Variants in CACNA1C observed in about 807,000 individuals in gnomAD.
CACNA1C encodes voltage-dependent L-type calcium channel subunit alpha-1C.
Under a neutral mutation model 229.0 loss-of-function variants are expected in CACNA1C, and 30 were observed. That is an observed-to-expected ratio of 0.13 (90% CI 0.10 to 0.18). CACNA1C has a LOEUF of 0.18. Ranked by LOEUF, CACNA1C falls within the 10% of genes least tolerant of loss-of-function variation. The pLI, the probability that CACNA1C is intolerant of heterozygous loss-of-function variation, is 1.00. For missense variants in CACNA1C, 1,658 were observed against 2,845.0 expected, an observed-to-expected ratio of 0.58 and a Z score of 9.49; for synonymous variants, 1,114 against 1,132.5, an observed-to-expected ratio of 0.98 and a Z score of 0.33.
chr12:2,068,294 C>T (rs2060108637), intron 1 of CACNA1C, among the ~76,000 whole-genome samples: 1 of 152,134 alleles, frequency 6.6e-6, no homozygotes, highest in South Asian at 2.1e-4. Flanking sequence ...CAGACCCTGC[C>T]CCAGTCCCTG....
intron 13 of CACNA1C, among the ~76,000 whole-genome samples, chr12:2,578,528 C>CA (rs2059385652): frequency 6.6e-6 from 1 of 152,126 alleles, no homozygotes; most frequent in African/African-American, 2.4e-5. Flanking sequence ...GCTTGGACAT[C>CA]AGCTGCCCGG....
intron 9 of CACNA1C, among the ~76,000 whole-genome samples, chr12:2,527,923 G>C (rs1216386132): frequency 6.6e-6 from 1 of 152,128 alleles, no homozygotes; most frequent in Non-Finnish European, 1.5e-5. Flanking sequence ...AAGATCCCAA[G>C]CTTCAATAAA....
At chr12:2,345,945 G>A (rs1322306574) in intron 3 of CACNA1C, among the ~76,000 whole-genome samples, 3 of 152,210 alleles carry the variant, frequency 2.0e-5, no homozygotes, top group African/African-American at 7.2e-5. Context: ...CGCCTCCTCA[G>A]GACCCTGCCT....
intron 3 of CACNA1C, among the ~76,000 whole-genome samples, chr12:2,408,677 G>A (rs1365782799): frequency 6.6e-6 from 1 of 152,062 alleles, no homozygotes; most frequent in Non-Finnish European, 1.5e-5. Context: ...CACTTAGTAG[G>A]GAAAGATGTG....
chr12:2,058,289 G>A lies in CACNA1C; in HGVS notation c.49+4678G>A, dbSNP rs76061821. On this transcript the variant is annotated intron_variant, in intron 1 of 46. Transcript: ENST00000399655. ...CTGTAGGAGGTACAGGTCAGCCGGC[G>A]TCATCTCACCTCTTCCTTGCTGGGA... 4.5e-3 allele frequency among the ~76,000 whole-genome samples: 682 copies of A among 152,298 alleles called. 4 individuals are homozygous for A. The highest frequency in any genetic ancestry group is 7.5e-3 in the Non-Finnish European group (508 of 68,028).
chr12:2,053,799 G>T lies in CACNA1C; in HGVS notation c.49+188G>T, dbSNP rs1467332701. On this transcript the variant is annotated intron_variant, in intron 1 of 46. Transcript: ENST00000399655. The surrounding 1 kb of genome is among the most constrained non-coding windows in gnomAD (Gnocchi z 5.8). ...GGGACCGGGGCCCGAACCGCCGCGC[G>T]AGACGGAGCGGAAAATTCCCGCCCC... 6.6e-6 allele frequency among the ~76,000 whole-genome samples: 1 copy of T among 150,460 alleles called. No homozygotes were observed. The highest frequency in any genetic ancestry group is 6.6e-5 in the Admixed American group (1 of 15,144).
At chr12:2,089,507 T>C (rs2069300740) in intron 1 of CACNA1C, among the ~76,000 whole-genome samples, 2 of 152,218 alleles carry the variant, frequency 1.3e-5, no homozygotes, top group South Asian at 4.2e-4. Context: ...ATAAAACAGG[T>C]TGTGATGAAC....
intron 18 of CACNA1C, among the ~76,000 whole-genome samples, chr12:2,588,911 G>A (rs1056309867): frequency 5.3e-5 from 8 of 152,142 alleles, no homozygotes; most frequent in Non-Finnish European, 7.3e-5. Flanking sequence ...AGTCAGCACC[G>A]CCTGTGCTGG....
intron 3 of CACNA1C, among the ~76,000 whole-genome samples, chr12:2,299,831 G>T (rs974370118): frequency 6.6e-6 from 1 of 151,996 alleles, no homozygotes; most frequent in Non-Finnish European, 1.5e-5. Flanking sequence ...CCCGGACAAG[G>T]CATTCAGCCT....
At chr12:2,487,995 A>C (rs922042625) in intron 6 of CACNA1C, among the ~76,000 whole-genome samples, 3 of 152,204 alleles carry the variant, frequency 2.0e-5, no homozygotes, top group Admixed American at 2.0e-4. Flanking sequence ...CTCCTCAGGA[A>C]GTCTCAGACA....
At chr12:2,183,266 A>G (rs573834039) in intron 3 of CACNA1C, among the ~76,000 whole-genome samples, 35 of 152,172 alleles carry the variant, frequency 2.3e-4, no homozygotes, top group Admixed American at 1.6e-3. Flanking sequence ...AAGAAAAAAG[A>G]AAGTTTTCTT....
rs918091603 is a variant in CACNA1C at position 2,215,812 on chromosome 12, C to G, written c.477+95382C>G. On this transcript the variant is annotated intron_variant, in intron 3 of 46. Coordinates refer to ENST00000399655, the MANE Select transcript of CACNA1C (RefSeq NM_000719.7). The surrounding 1 kb of genome is among the most constrained non-coding windows in gnomAD (Gnocchi z 5.0). ...CAAGGTGAGTTGAAGGGCCCTGGAG[C>G]CCCAGGCCTGCCTGCCTGGGGAGCA... is the stretch of plus-strand genomic sequence containing the variant. 1.3e-5 allele frequency among the ~76,000 whole-genome samples: 2 copies of G among 152,188 alleles called. No individual in the cohort carries two copies. Among genetic ancestry groups the G allele is most frequent in the African/African-American group, 4.8e-5 (2 of 41,440 alleles).
At chr12:2,397,179 C>T (rs920572233) in intron 3 of CACNA1C, among the ~76,000 whole-genome samples, 4 of 152,266 alleles carry the variant, frequency 2.6e-5, no homozygotes, top group Non-Finnish European at 5.9e-5. Flanking sequence ...AACCCCTGTG[C>T]TAAACCACAC....
intron 1 of CACNA1C, chr12:1,993,357 T>A: frequency 6.2e-7 from 1 of 1,613,864 alleles, no homozygotes; most frequent in Non-Finnish European, 8.5e-7. Flanking sequence ...CTCAGCCTAT[T>A]CATAATGGTG....
At position 2,500,409 on chromosome 12, in the gene CACNA1C, T is replaced by G. The variant is rs149158158; in HGVS notation, c.1114-4433T>G. 3.7e-3 allele frequency among the ~76,000 whole-genome samples: 566 copies of G among 152,290 alleles called. 4 individuals carry two copies. The highest frequency in any genetic ancestry group is 0.013 in the African/African-American group (543 of 41,554). On this transcript the variant is annotated intron_variant, in intron 7 of 46. Coordinates refer to ENST00000399655, the MANE Select transcript of CACNA1C (RefSeq NM_000719.7). ...AATCTCCAAGGCGCGTGGGTTTGTG[T>G]GGCCTCCAAGGCTGCATTTTCTGTG...
chr12:2,663,899 G>T (rs1305046154), intron 34 of CACNA1C, among the ~76,000 whole-genome samples: 1 of 152,028 alleles, frequency 6.6e-6, no homozygotes, highest in African/African-American at 2.4e-5. Context: ...CCACCACCGC[G>T]CCCGGCTAAT....
chr12:2,691,244 C>G lies in CACNA1C; in HGVS notation c.*45C>G. On this transcript the variant is annotated 3_prime_UTR_variant, in exon 47 of 47. Coordinates refer to ENST00000399655, the MANE Select transcript of CACNA1C (RefSeq NM_000719.7). Reference sequence around the variant, plus strand: ...GCTTTTTTTTATTTGTTTCAATGTTCCTAATGGGTTCGTTTCAGAAGTGCC... The same window carrying G: ...GCTTTTTTTTATTTGTTTCAATGTTGCTAATGGGTTCGTTTCAGAAGTGCC... The G allele has an allele frequency of 6.7e-7, 1 of 1,488,284 alleles. No homozygotes were observed. 92.2% of individuals were successfully genotyped at this position (1,488,284 alleles called of 1,614,324 possible).
intron 3 of CACNA1C, among the ~76,000 whole-genome samples, chr12:2,278,571 A>C (rs2089859022): frequency 6.6e-6 from 1 of 152,238 alleles, no homozygotes; most frequent in Non-Finnish European, 1.5e-5. Flanking sequence ...CTCTGGATGT[A>C]CTGATAGCTT....
intron 3 of CACNA1C, among the ~76,000 whole-genome samples, chr12:2,230,977 T>C (rs561958423): frequency 2.0e-5 from 3 of 152,298 alleles, no homozygotes; most frequent in African/African-American, 7.2e-5. Flanking sequence ...TTTGTCAATC[T>C]CTTAATTTCT....
Sources: gnomAD v4.1 joint callset for allele counts (sites outside exome capture counted in the v4.1 genomes callset) on GRCh38, gnomAD v4.1.1 for gene constraint, Gnocchi (gnomAD v3.1) non-coding constraint, MANE v1.5 for transcripts, NCBI Gene and HGNC (gene_info 2026-07-23, HGNC 2026-07-21) for gene names.